Variants in FER1L5 observed in about 807,000 individuals in gnomAD.
FER1L5 encodes the protein fer-1 like family member 5.
A neutral mutation model predicts 279.9 loss-of-function variants in FER1L5; 187 were observed. That is an observed-to-expected ratio of 0.67 (90% confidence interval 0.59 to 0.75). The LOEUF is 0.75. Among genes scored for constraint, FER1L5 ranks in the 30% least tolerant of loss-of-function variants. The pLI is 0.00. For synonymous variants in FER1L5, 921 were observed against 989.7 expected, an observed-to-expected ratio of 0.93 and a Z score of 1.30; for missense variants, 2,091 against 2,594.4, an observed-to-expected ratio of 0.81 and a Z score of 4.21.
chr2:96,644,070 G>C (rs2075005792), intron 1 of FER1L5, among the ~76,000 whole-genome samples: 1 of 151,726 alleles, frequency 6.6e-6, no homozygotes. Context: ...TACTTGGGAG[G>C]CTGAGGCAGG....
At chr2:96,669,226 G>A (rs1243740357) in intron 17 of FER1L5, 89 bp downstream of exon 17, 16 of 1,301,018 alleles carry the variant, frequency 1.2e-5, no homozygotes, top group Admixed American at 1.0e-4. Context: ...CCGAGGCCCC[G>A]GCCCTGGTTT....
At chr2:96,700,936 A>G (rs1489648201) in intron 45 of FER1L5, among the ~76,000 whole-genome samples, 1 of 152,218 alleles carries the variant, frequency 6.6e-6, no homozygotes, top group East Asian at 1.9e-4. Context: ...CAGCCACCAT[A>G]ATGGCTCATC....
At chr2:96,700,492 C>A in intron 45 of FER1L5, 21 bp downstream of exon 45, 1 of 1,611,758 alleles carries the variant, frequency 6.2e-7, no homozygotes. Flanking sequence ...GGAGGGGCCA[C>A]TCCTGGCTCC....
intron 7 of FER1L5, 118 bp downstream of exon 7, chr2:96,652,138 T>G: frequency 7.2e-7 from 1 of 1,381,612 alleles, no homozygotes; most frequent in South Asian, 1.3e-5. Flanking sequence ...CCACAAGCAT[T>G]TACTGAGTGT....
chr2:96,651,235 TTCTC>T (rs764068951), intron 6 of FER1L5, among the ~76,000 whole-genome samples: 10 of 139,492 alleles, frequency 7.2e-5, no homozygotes, highest in African/African-American at 2.4e-4. Context: ...CTTTCTTTCT[TTCTC>T]TTTCTTTCTT....
At position 96,704,517 on chromosome 2, in the gene FER1L5, C is replaced by T. The variant is rs1331162131; in HGVS notation, c.5999C>T (p.Pro2000Leu). ...WIKPQLQLYPPIKIFNIINSL... is the reference protein window; with the variant it reads ...WIKPQLQLYPLIKIFNIINSL... The stretch of plus-strand genomic sequence containing the variant: ...AAACCTCAACTTCAGCTGTATCCTC[C>T]CATTAAAATATTCAATATCATCAAT... Residue 2000 changes from proline (P) to leucine (L), a missense_variant, in exon 53 of 53, where the codon CCC (proline) becomes CTC (leucine). Coordinates refer to ENST00000624922, the MANE Select transcript of FER1L5 (RefSeq NM_001293083.2). The T allele has an allele frequency of 6.2e-7, 1 of 1,613,878 alleles. No homozygotes were observed. The highest frequency in any genetic ancestry group is 1.7e-5 in the Admixed American group (1 of 60,010).
chr2:96,659,330 C>CTTCCTTCCTTCA (rs2075755385), intron 9 of FER1L5, among the ~76,000 whole-genome samples: 1 of 77,066 alleles, frequency 1.3e-5, no homozygotes, highest in Non-Finnish European at 2.5e-5. Flanking sequence ...TCCTTCCTTC[C>CTTCCTTCCTTCA]TTCCTTCCTT....
chr2:96,642,779 T>A lies in FER1L5; in HGVS notation c.-58T>A. On this transcript the variant is annotated 5_prime_UTR_variant, in exon 1 of 53. Transcript: ENST00000624922. Reference sequence around the variant, plus strand: ...TGGGAAAAGTCTTGGACTGAGGAGCTCCAAAAAGGAAGCTGTGGCGCTGCG... The same window carrying A: ...TGGGAAAAGTCTTGGACTGAGGAGCACCAAAAAGGAAGCTGTGGCGCTGCG... 6.6e-7 allele frequency: 1 copy of A among 1,516,774 alleles called. No homozygotes were observed. Among genetic ancestry groups the A allele is most frequent in the Non-Finnish European group, 8.9e-7 (1 of 1,122,866 alleles). 94.0% of individuals were successfully genotyped at this position (1,516,774 alleles called of 1,614,324 possible). A position where few individuals can be genotyped will look rare whatever the true frequency, so the allele number is the denominator to read the frequency against.
chr2:96,653,182 C>T (rs1008793642), intron 7 of FER1L5: 1 of 186,944 alleles, frequency 5.3e-6, no homozygotes, highest in Non-Finnish European at 1.1e-5. Flanking sequence ...ACACTCCAGC[C>T]TAGGTGACAG....
intron 16 of FER1L5, 28 bp from the exon 17 acceptor site, chr2:96,669,015 C>G (rs748358955): frequency 2.6e-6 from 4 of 1,551,670 alleles, no homozygotes; most frequent in Non-Finnish European, 3.5e-6. Context: ...GTCCTGCGCC[C>G]GACCCTTCTC....
rs953421778 is a variant in FER1L5, at chr2:96,643,956, G to A, written c.85+1035G>A. Among the ~76,000 whole-genome samples, 26 of 151,094 alleles carry A rather than the reference G, an allele frequency of 1.7e-4. 1 individual carries two copies. Among genetic ancestry groups the A allele is most frequent in the Non-Finnish European group, 3.7e-4 (25 of 67,808 alleles). On this transcript the variant is annotated intron_variant, in intron 1 of 52. Coordinates refer to ENST00000624922, the MANE Select transcript of FER1L5 (RefSeq NM_001293083.2). Reference sequence around the variant, plus strand: ...GGAGGCTGAGGCAGGCAGATCACTGGAGGTCAGGAGTTCAAGACCAGCCTG... The same window carrying A: ...GGAGGCTGAGGCAGGCAGATCACTGAAGGTCAGGAGTTCAAGACCAGCCTG...
At chr2:96,678,754 A>G (rs2076605508) in intron 19 of FER1L5, among the ~76,000 whole-genome samples, 1 of 152,176 alleles carries the variant, frequency 6.6e-6, no homozygotes, top group African/African-American at 2.4e-5. Flanking sequence ...TGTGCTCATT[A>G]ACCATTCATT....
At chr2:96,681,185 CAG>C (rs2076710920) in intron 19 of FER1L5, among the ~76,000 whole-genome samples, 1 of 152,124 alleles carries the variant, frequency 6.6e-6, no homozygotes, top group South Asian at 2.1e-4. Context: ...CTGGGTAACA[CAG>C]AGAGACCCTG....
At chr2:96,646,200 G>A (rs575186329) in intron 1 of FER1L5, among the ~76,000 whole-genome samples, 12 of 151,916 alleles carry the variant, frequency 7.9e-5, no homozygotes, top group African/African-American at 1.4e-4. Context: ...GGGTTTCACC[G>A]TGTCAGCCAG....
At chr2:96,700,581 A>C in intron 45 of FER1L5, 110 bp downstream of exon 45, 1 of 1,421,788 alleles carries the variant, frequency 7.0e-7, no homozygotes, top group South Asian at 1.2e-5. Context: ...GACAGGCCAA[A>C]CATTTAGTAA....
intron 14 of FER1L5, among the ~76,000 whole-genome samples, chr2:96,667,525 T>C (rs1306080526): frequency 6.6e-6 from 1 of 152,084 alleles, no homozygotes; most frequent in Non-Finnish European, 1.5e-5. Flanking sequence ...TTTTGTATTT[T>C]TAGTAGAGAC....
At chr2:96,695,456 A>G (rs2077334947) in intron 34 of FER1L5, 53 bp from the exon 35 acceptor site, 1 of 1,520,154 alleles carries the variant, frequency 6.6e-7, no homozygotes, top group Non-Finnish European at 8.8e-7. Context: ...CCAGGACCCC[A>G]TTACAGAGGC....
rs116430607 is a variant in FER1L5 at position 96,664,291 on chromosome 2, A to G, written c.1140+784A>G. On this transcript the variant is annotated intron_variant, in intron 14 of 52. Transcript: ENST00000624922. ...TACAATCAACATAATGAATATATCT[A>G]TCACCTCCAAAAGTTGCCTAATGCC... 3.1e-3 allele frequency among the ~76,000 whole-genome samples: 469 copies of G among 152,236 alleles called. 3 individuals carry two copies. Among genetic ancestry groups the G allele is most frequent in the African/African-American group, 0.011 (451 of 41,548 alleles).
intron 19 of FER1L5, among the ~76,000 whole-genome samples, chr2:96,678,252 A>G (rs1335492855): frequency 6.6e-6 from 1 of 150,588 alleles, no homozygotes; most frequent in Admixed American, 6.6e-5. Context: ...CCTCAGCCCC[A>G]CCAAGTAGCT....
Sources: gnomAD v4.1 joint callset for allele counts (sites outside exome capture counted in the v4.1 genomes callset) on GRCh38, gnomAD v4.1.1 for gene constraint, MANE v1.5 for transcripts, NCBI Gene and HGNC (gene_info 2026-07-23, HGNC 2026-07-21) for gene names.